VNN2: variants seen among roughly 807,000 people sequenced by gnomAD.
VNN2 encodes the protein pantetheine hydrolase VNN2.
In VNN2, 43 loss-of-function variants were observed where a neutral mutation model predicts 43.0. The observed-to-expected ratio is 1.00, with a 90% CI of 0.78 to 1.29. The LOEUF (loss-of-function observed/expected upper bound fraction) is 1.29. VNN2 is among the 50% of genes most tolerant of loss of function. The pLI, the probability that VNN2 is intolerant of heterozygous loss-of-function variation, is 0.00. For missense variants in VNN2, 652 were observed against 619.7 expected, an observed-to-expected ratio of 1.05 and a Z score of -0.55; for synonymous variants, 230 against 224.3, an observed-to-expected ratio of 1.03 and a Z score of -0.23.
rs761880929 is a variant in VNN2, at chr6:132,757,856, C to G, written c.28G>C (p.Val10Leu). 6.2e-7 allele frequency: 1 copy of G among 1,613,890 alleles called. No individual in the cohort carries two copies. The highest frequency in any genetic ancestry group is 2.2e-5 in the East Asian group (1 of 44,872). The change falls in exon 1 of 7, where the codon GTG (valine) becomes CTG (leucine). Residue 10 changes from valine (V) to leucine (L), a missense_variant. Physicochemically the swap from Val to Leu is conservative, Grantham distance 32. Coordinates refer to ENST00000326499, the MANE Select transcript of VNN2 (RefSeq NM_004665.6). MVTSSFPIS[V>L]AVFALITLQV... is the part of the protein sequence containing the mutation. ...AGGGTTATTAGGGCAAAAACTGCCA[C>G]AGAGATTGGAAAAGAGGAAGTGACC...
chr6:132,758,039 C>CTTCTTCTTCTTCTTCTTCTTTTT (rs1488070973), upstream of VNN2: 1 of 160,496 alleles, frequency 6.2e-6, no homozygotes, highest in Non-Finnish European at 1.0e-5. Context: ...TCTTCTTCTT[C>CTTCTTCTTCTTCTTCTTCTTTTT]TTTTTTTTTT....
In VNN2 at chr6:132,751,337, A is replaced by C. The variant is rs757986932; in HGVS notation, c.1008T>G (p.Thr336=). Residue 336 remains threonine, a synonymous_variant, in exon 5 of 7, where the codon ACT becomes ACG. Transcript: ENST00000326499. ...CATCCCTGGAAATAAATCCCCTGAA[A>C]GTGTTTTTCTGTACTGGAAATGGTT... ...TIKPFPVQKN[T]FRGFISRDGF... 1.2e-6 allele frequency: 2 copies of C among 1,614,162 alleles called. No homozygotes were observed. Among genetic ancestry groups the C allele is most frequent in the East Asian group, 4.5e-5 (2 of 44,886 alleles).
At chr6:132,751,661 A>G in intron 4 of VNN2, 143 bp from the exon 5 acceptor site, 1 of 917,490 alleles carries the variant, frequency 1.1e-6, no homozygotes, top group East Asian at 2.6e-5. Context: ...AATTGCACTG[A>G]ACACCTAACT....
intron 3 of VNN2, among the ~76,000 whole-genome samples, chr6:132,755,060 C>T (rs542954189): frequency 4.7e-4 from 72 of 152,164 alleles, no homozygotes; most frequent in African/African-American, 1.7e-3. Flanking sequence ...GTCTCAGCTA[C>T]TTGGGAGGCT....
Position 132,752,578 on chromosome 6 carries a change from C to T in VNN2, c.709G>A (p.Ala237Thr), listed in dbSNP as rs1482878374. The change falls in exon 4 of 7, where the codon GCT (alanine) becomes ACT (threonine). Residue 237 changes from alanine to threonine, a missense_variant. Coordinates refer to ENST00000326499, the MANE Select transcript of VNN2 (RefSeq NM_004665.6). ...AAAAGGGGCAAAACGTTCATCCAAGCTGTGGGAAACAGTATGGTGTCCACA... is the reference window on the plus strand; with the variant it reads ...AAAAGGGGCAAAACGTTCATCCAAGTTGTGGGAAACAGTATGGTGTCCACA... Reference protein sequence around the residue: ...FHVDTILFPTAWMNVLPLLTA... With the variant: ...FHVDTILFPTTWMNVLPLLTA... 8 of 1,614,058 alleles carry T rather than the reference C, an allele frequency of 5.0e-6. No individual in the cohort carries two copies. In the Admixed American group the frequency reaches 5.0e-5, roughly 10 times the overall value.
chr6:132,748,647 G>T (rs926143463), intron 6 of VNN2, among the ~76,000 whole-genome samples: 5 of 152,236 alleles, frequency 3.3e-5, no homozygotes, highest in Non-Finnish European at 5.9e-5. Flanking sequence ...ACTGGAATAT[G>T]TGTATGTATG....
chr6:132,752,440 C>A, intron 4 of VNN2, 21 bp downstream of exon 4: 1 of 1,599,266 alleles, frequency 6.3e-7, no homozygotes, highest in Middle Eastern at 1.7e-4. Context: ...TAAGATGAAA[C>A]CTAACCTGGT....
chr6:132,757,389 C>T (rs768446252), intron 2 of VNN2, 27 bp downstream of exon 2: 1 of 1,566,620 alleles, frequency 6.4e-7, no homozygotes, highest in South Asian at 1.2e-5. Context: ...GTTACTTTTG[C>T]ACAAAAGACT....
At chr6:132,749,949 A>C in intron 5 of VNN2, 84 bp from the exon 6 acceptor site, 1 of 1,265,462 alleles carries the variant, frequency 7.9e-7, no homozygotes, top group Non-Finnish European at 1.1e-6. Context: ...TTTTAACTAC[A>C]GCGAAGCAAA....
intron 5 of VNN2, 134 bp downstream of exon 5, chr6:132,750,998 GTGTGTGTGTGTGT>G (rs1163370891): frequency 4.4e-6 from 4 of 918,762 alleles, no homozygotes; most frequent in East Asian, 2.5e-5. Context: ...AAATGCACGT[GTGTGTGTGTGTGT>G]TGTGTGTGTG....
Position 132,744,193 on chromosome 6 carries a change from G to A in VNN2, c.*107C>T. On this transcript the variant is annotated 3_prime_UTR_variant, in exon 7 of 7. Transcript: ENST00000326499. Reference sequence around the variant, plus strand: ...GAGAAAAAATATTTAGGACTCACTGGTCTATACTACTGAAATAGCCCTTCA... The same window carrying A: ...GAGAAAAAATATTTAGGACTCACTGATCTATACTACTGAAATAGCCCTTCA... 1 of 943,620 alleles carries A rather than the reference G, an allele frequency of 1.1e-6. No individual in the cohort carries two copies. The highest frequency in any genetic ancestry group is 2.8e-5 in the Admixed American group (1 of 36,102). 58.5% of individuals were successfully genotyped at this position (943,620 alleles called of 1,614,324 possible).
At position 132,752,355 on chromosome 6, in the gene VNN2, C is replaced by A. The variant is rs896775912; in HGVS notation, c.826+106G>T. 3 of 1,314,202 alleles carry A rather than the reference C, an allele frequency of 2.3e-6. No individual in the cohort carries two copies. The African/African-American group carries it at 4.5e-5, about 20-fold the overall frequency. 81.4% of individuals were successfully genotyped at this position (1,314,202 alleles called of 1,614,324 possible). A position where few individuals can be genotyped will look rare whatever the true frequency, so the allele number is the denominator to read the frequency against. On this transcript the variant is annotated intron_variant, in intron 4 of 6. Coordinates refer to ENST00000326499, the MANE Select transcript of VNN2 (RefSeq NM_004665.6). Reference sequence around the variant, plus strand: ...TTCTATTGTGAAACTATGACAAACACAGTAAGAATTTCCAATAAGCAAAAA... The same window carrying A: ...TTCTATTGTGAAACTATGACAAACAAAGTAAGAATTTCCAATAAGCAAAAA...
Position 132,751,319 on chromosome 6 carries a change from G to A in VNN2, c.1026C>T (p.Ser342=), listed in dbSNP as rs1780074609. 1.9e-6 allele frequency: 3 copies of A among 1,614,112 alleles called. No individual in the cohort carries two copies. The highest frequency in any genetic ancestry group is 1.7e-6 in the Non-Finnish European group (2 of 1,180,018). The stretch of plus-strand genomic sequence containing the variant: ...GTTCTGTGAAGTTGAACCCATCCCT[G>A]GAAATAAATCCCCTGAAAGTGTTTT... ...VQKNTFRGFI[S]RDGFNFTELF... is the part of the protein sequence containing the mutation. The change falls in exon 5 of 7, where the codon TCC becomes TCT. Residue 342 remains serine (S), a synonymous_variant. Coordinates refer to ENST00000326499, the MANE Select transcript of VNN2 (RefSeq NM_004665.6).
upstream of VNN2, chr6:132,758,040 T>TTCTTCTTCA: frequency 5.4e-6 from 1 of 185,736 alleles, no homozygotes. Flanking sequence ...CTTCTTCTTC[T>TTCTTCTTCA]TTTTTTTTTT....
chr6:132,750,503 A>ATGTG (rs1779997611), intron 5 of VNN2, among the ~76,000 whole-genome samples: 1 of 70,980 alleles, frequency 1.4e-5, no homozygotes, highest in African/African-American at 5.2e-5. Flanking sequence ...ATGTGTATAT[A>ATGTG]TATATATATA....
rs747633939 is a variant in VNN2 at position 132,749,855 on chromosome 6, A to C, written c.1211T>G (p.Leu404Arg). 3 of 1,614,052 alleles carry C rather than the reference A, an allele frequency of 1.9e-6. No individual in the cohort carries two copies. The South Asian group carries it at 3.3e-5, about 18-fold the overall frequency. The change falls in exon 6 of 7, where the codon CTG becomes CGG. Residue 404 changes from leucine to arginine, a missense_variant. Leu to Arg is a moderately radical substitution (Grantham distance 102, BLOSUM62 -2). Coordinates refer to ENST00000326499, the MANE Select transcript of VNN2 (RefSeq NM_004665.6). ...CAAATTAGTAGTTTTGCACTTCAGC[A>C]GTGTGCAGACCTATGTGGAACAAAC... Reference protein sequence around the residue: ...RRREYWQVCTLLKCKTTNLTT... With the variant: ...RRREYWQVCTRLKCKTTNLTT...
rs34171909 is a variant in VNN2 at position 132,743,880 on chromosome 6, T to C, written c.*420A>G. On this transcript the variant is annotated 3_prime_UTR_variant, in exon 7 of 7. Coordinates refer to ENST00000326499, the MANE Select transcript of VNN2 (RefSeq NM_004665.6). ...GCACAGAAAACTAGGTGAATTCAAA[T>C]AGTCTTTAATGTCAAAGGGAATTCA... The C allele has an allele frequency of 0.057, 8,773 of 153,096 alleles. 296 individuals carry two copies. Among genetic ancestry groups the C allele is most frequent in the East Asian group, 0.13 (682 of 5,196 alleles). The allele number at this position is 153,096 out of a possible 1,614,324, so 9.5% of individuals were successfully genotyped here.
upstream of VNN2, chr6:132,758,039 C>CTTCTTCTTCTTA: frequency 6.2e-6 from 1 of 161,518 alleles, no homozygotes; most frequent in Non-Finnish European, 1.0e-5. Context: ...TCTTCTTCTT[C>CTTCTTCTTCTTA]TTTTTTTTTT....
intron 6 of VNN2, among the ~76,000 whole-genome samples, chr6:132,746,545 C>CT (rs34509155): frequency 0.26 from 39,031 of 151,740 alleles, 5,892 homozygotes; most frequent in Middle Eastern, 0.4. Context: ...GGTTATTGGA[C>CT]TTTTTTTTGG....
Sources: allele counts gnomAD v4.1 joint callset (sites outside exome capture counted in the v4.1 genomes callset), GRCh38; gene constraint gnomAD v4.1.1; transcripts MANE v1.5; gene names NCBI Gene and HGNC (gene_info 2026-07-23, HGNC 2026-07-21).